The following GRM7 variants were observed in gnomAD, a reference collection of about 807,000 sequenced individuals.
GRM7 encodes metabotropic glutamate receptor 7.
Under a neutral mutation model 84.5 loss-of-function variants are expected in GRM7, and 35 were observed. That is an observed-to-expected ratio of 0.41 (90% CI 0.32 to 0.55). GRM7 has a LOEUF of 0.55. Ranked by LOEUF, GRM7 falls within the 20% of genes least tolerant of loss-of-function variation. GRM7 has a pLI of 0.19. For missense variants in GRM7, 1,003 were observed against 1,194.6 expected (o/e 0.84, Z 2.36); for synonymous variants, 487 against 455.1 (o/e 1.07, Z -0.89).
intron 4 of GRM7, among the ~76,000 whole-genome samples, chr3:7,326,810 G>C (rs1276184222): frequency 6.6e-6 from 1 of 150,838 alleles, no homozygotes; most frequent in African/African-American, 2.4e-5. Context: ...CTCCAGCCTG[G>C]GCAACACAGT....
At chr3:7,083,268 C>A (rs937176006) in intron 1 of GRM7, among the ~76,000 whole-genome samples, 1 of 152,070 alleles carries the variant, frequency 6.6e-6, no homozygotes, top group Non-Finnish European at 1.5e-5. Context: ...AGATCCTCCA[C>A]CAGCAAAAAG....
At chr3:7,241,732 G>C (rs900801048) in intron 2 of GRM7, among the ~76,000 whole-genome samples, 1 of 152,074 alleles carries the variant, frequency 6.6e-6, no homozygotes, top group Non-Finnish European at 1.5e-5. Context: ...TAGGAAGCTG[G>C]TGCATACTTC....
At chr3:7,210,099 G>A (rs1696371971) in intron 2 of GRM7, among the ~76,000 whole-genome samples, 1 of 152,154 alleles carries the variant, frequency 6.6e-6, no homozygotes, top group African/African-American at 2.4e-5. Flanking sequence ...GCTGTTCACA[G>A]TTCAATCCCA....
At chr3:7,263,818 G>C (rs539631251) in intron 2 of GRM7, among the ~76,000 whole-genome samples, 1 of 151,982 alleles carries the variant, frequency 6.6e-6, no homozygotes, top group South Asian at 2.1e-4. Flanking sequence ...GGTAGGTTGG[G>C]GGTTCATTCA....
At chr3:7,378,575 A>G (rs1175741363) in intron 4 of GRM7, among the ~76,000 whole-genome samples, 1 of 152,186 alleles carries the variant, frequency 6.6e-6, no homozygotes, top group African/African-American at 2.4e-5. Flanking sequence ...ACAAAATGCC[A>G]TGAGAAAATT....
At chr3:7,393,925 C>T (rs1695103451) in intron 4 of GRM7, among the ~76,000 whole-genome samples, 1 of 152,132 alleles carries the variant, frequency 6.6e-6, no homozygotes. Context: ...GGTAGCATTA[C>T]CAGTAGTAAT....
intron 2 of GRM7, among the ~76,000 whole-genome samples, chr3:7,230,656 T>G (rs940587185): frequency 6.6e-6 from 1 of 152,210 alleles, no homozygotes; most frequent in Non-Finnish European, 1.5e-5. Context: ...AGCGGCTTAA[T>G]GCAGCTTTCA....
At chr3:7,583,850 G>T (rs185257180) in intron 8 of GRM7, among the ~76,000 whole-genome samples, 276 of 152,308 alleles carry the variant, frequency 1.8e-3, no homozygotes, top group African/African-American at 6.3e-3. Flanking sequence ...TACAATGCGT[G>T]TACTGTGCCC....
At chr3:7,352,767 C>A (rs1693218114) in intron 4 of GRM7, among the ~76,000 whole-genome samples, 1 of 152,038 alleles carries the variant, frequency 6.6e-6, no homozygotes, top group Non-Finnish European at 1.5e-5. Context: ...GGCAGCAGCA[C>A]CTCCACCCAT....
At chr3:7,349,620 C>A (rs956235210) in intron 4 of GRM7, among the ~76,000 whole-genome samples, 1 of 152,134 alleles carries the variant, frequency 6.6e-6, no homozygotes, top group African/African-American at 2.4e-5. Context: ...CTGGGCGCAG[C>A]CCCTGGGGAA....
At chr3:7,619,109 A>G (rs753730443) in intron 8 of GRM7, among the ~76,000 whole-genome samples, 1 of 152,132 alleles carries the variant, frequency 6.6e-6, no homozygotes, top group Non-Finnish European at 1.5e-5. Flanking sequence ...AGGAAATTAG[A>G]TGCACTAGAC....
chr3:7,420,550 A>G (rs1009075107), intron 5 of GRM7, among the ~76,000 whole-genome samples: 3 of 152,134 alleles, frequency 2.0e-5, no homozygotes, highest in African/African-American at 7.2e-5. Context: ...CTCTGTGAGC[A>G]TGCATAGGAT....
rs1008784016 is a variant in GRM7 at position 7,184,767 on chromosome 3, C to T, written c.736+38099C>T. ...TTTATTTTTATGAACAATGTTGTGG[C>T]GGATACTCCTTACATTACTCATTTG... On this transcript the variant is annotated intron_variant, in intron 2 of 9. Coordinates refer to ENST00000357716, the MANE Select transcript of GRM7 (RefSeq NM_000844.4). Among the ~76,000 whole-genome samples the T allele has an allele frequency of 4.6e-5, 7 of 152,112 alleles. No homozygotes were observed. In the East Asian group the frequency reaches 5.8e-4, roughly 13 times the overall value.
intron 2 of GRM7, among the ~76,000 whole-genome samples, chr3:7,229,728 T>C (rs1257122604): frequency 0.014 from 286 of 20,072 alleles, 2 homozygotes; most frequent in Non-Finnish European, 0.02. Flanking sequence ...GACACACACA[T>C]ATATATATAT....
chr3:7,207,474 C>G (rs1230342249), intron 2 of GRM7, among the ~76,000 whole-genome samples: 2 of 152,120 alleles, frequency 1.3e-5, no homozygotes, highest in East Asian at 1.9e-4. Flanking sequence ...CCTATTCTTC[C>G]CATCACCTTA....
intron 1 of GRM7, among the ~76,000 whole-genome samples, chr3:7,061,558 A>G (rs1697434560): frequency 2.0e-5 from 3 of 151,770 alleles, no homozygotes. Flanking sequence ...AGAATGAAAC[A>G]TTTATATATT....
intron 5 of GRM7, among the ~76,000 whole-genome samples, chr3:7,425,606 A>C (rs1686084869): frequency 6.6e-6 from 1 of 152,180 alleles, no homozygotes; most frequent in African/African-American, 2.4e-5. Context: ...AAATTGAGCT[A>C]CCAAAGTGGT....
intron 3 of GRM7, among the ~76,000 whole-genome samples, chr3:7,300,295 T>C (rs1699953556): frequency 6.6e-6 from 1 of 152,224 alleles, no homozygotes; most frequent in South Asian, 2.1e-4. Context: ...ACCTGTCTCT[T>C]TCCCTGCTTT....
At position 7,404,637 on chromosome 3, in the gene GRM7, C is replaced by G. The variant is rs146498560; in HGVS notation, c.1034-10386C>G. ...ATGGTTGGCAGCAGGAGCACAATAC[C>G]AAGATGTGTGCTCCCTGGAATTTAG... On this transcript the variant is annotated intron_variant, in intron 4 of 9. Transcript: ENST00000357716. Among the ~76,000 whole-genome samples, 1,400 of 152,052 alleles carry G rather than the reference C, an allele frequency of 9.2e-3. 20 individuals carry two copies. The highest frequency in any genetic ancestry group is 0.03 in the African/African-American group (1,256 of 41,484).
Sources: gnomAD v4.1 joint callset for allele counts (sites outside exome capture counted in the v4.1 genomes callset) on GRCh38, gnomAD v4.1.1 for gene constraint, MANE v1.5 for transcripts, NCBI Gene and HGNC (gene_info 2026-07-23, HGNC 2026-07-21) for gene names.